SLC25A13: variants seen among roughly 807,000 people sequenced by gnomAD.
SLC25A13 encodes the protein electrogenic aspartate/glutamate antiporter SLC25A13, mitochondrial.
A neutral mutation model predicts 85.5 loss-of-function variants in SLC25A13; 70 were observed. The observed-to-expected ratio is 0.82, with a 90% CI of 0.68 to 1.00. The LOEUF (loss-of-function observed/expected upper bound fraction) is 1.00. Among genes scored for constraint, SLC25A13 ranks in the 50% least tolerant of loss-of-function variants. The probability of loss-of-function intolerance (pLI) is 0.00; values close to 1 mark genes in which losing one functional copy is unlikely to be tolerated. For missense variants in SLC25A13, 765 were observed against 819.8 expected (o/e 0.93, Z 0.82); for synonymous variants, 259 against 288.7 (o/e 0.90, Z 1.04).
At position 96,321,948 on chromosome 7, in the gene SLC25A13, G is replaced by A. The variant is rs771172427; in HGVS notation, c.9C>T (p.Ala3=). 7 of 1,541,502 alleles carry A rather than the reference G, an allele frequency of 4.5e-6. No homozygotes were observed. The highest frequency in any genetic ancestry group is 4.4e-6 in the Non-Finnish European group (5 of 1,146,322). The change falls in exon 1 of 18, where the codon GCC becomes GCT. Residue 3 remains alanine (A), a synonymous_variant. Coordinates refer to ENST00000265631, the MANE Select transcript of SLC25A13 (RefSeq NM_014251.3). ...GCCTCGGGCCCGCGGTTACCTTGGC[G>A]GCCGCCATGATTCGCCCCGGTTGCG... is the stretch of plus-strand genomic sequence containing the variant. MA[A]AKVALTKRAD...
chr7:96,269,234 G>C (rs1347639784), intron 3 of SLC25A13, among the ~76,000 whole-genome samples: 2 of 152,182 alleles, frequency 1.3e-5, no homozygotes, highest in Admixed American at 6.5e-5. Context: ...AACATGGAAG[G>C]CTGACCAATG....
At chr7:96,172,767 AT>A (rs111484924) in intron 11 of SLC25A13, among the ~76,000 whole-genome samples, 163 of 146,946 alleles carry the variant, frequency 1.1e-3, no homozygotes, top group Non-Finnish European at 1.4e-3. Flanking sequence ...GCCAGTTTGT[AT>A]TTTTTTTTTT....
At chr7:96,126,387 T>C (rs1274077957) in intron 15 of SLC25A13, among the ~76,000 whole-genome samples, 3 of 152,220 alleles carry the variant, frequency 2.0e-5, no homozygotes, top group Non-Finnish European at 4.4e-5. Context: ...TTTCTGTCCA[T>C]TCCTTACACT....
At chr7:96,138,628 G>A (rs1792393629) in intron 14 of SLC25A13, among the ~76,000 whole-genome samples, 1 of 151,978 alleles carries the variant, frequency 6.6e-6, no homozygotes, top group Non-Finnish European at 1.5e-5. Flanking sequence ...TTGAACTCCT[G>A]CACTCCCAAA....
chr7:96,291,695 G>C (rs905061700), intron 2 of SLC25A13, among the ~76,000 whole-genome samples: 6 of 151,876 alleles, frequency 4.0e-5, no homozygotes, highest in African/African-American at 9.7e-5. Flanking sequence ...GGATAAATTC[G>C]TCGACACATA....
intron 3 of SLC25A13, among the ~76,000 whole-genome samples, chr7:96,275,296 A>G (rs1426709589): frequency 6.6e-6 from 1 of 152,194 alleles, no homozygotes; most frequent in Non-Finnish European, 1.5e-5. Flanking sequence ...GAGACTGTAA[A>G]CTAGTTCAAC....
At chr7:96,233,729 G>A (rs1348970652) in intron 4 of SLC25A13, among the ~76,000 whole-genome samples, 1 of 152,188 alleles carries the variant, frequency 6.6e-6, no homozygotes, top group East Asian at 1.9e-4. Flanking sequence ...AAGGGGCTAA[G>A]CTTATCTGAT....
At chr7:96,244,947 T>A (rs1034910380) in intron 3 of SLC25A13, among the ~76,000 whole-genome samples, 2 of 151,746 alleles carry the variant, frequency 1.3e-5, no homozygotes, top group Non-Finnish European at 2.9e-5. Flanking sequence ...TGCCTCCATA[T>A]TGGCAAAAGT....
chr7:96,157,052 T>A (rs1466379913), intron 13 of SLC25A13, among the ~76,000 whole-genome samples: 2 of 152,166 alleles, frequency 1.3e-5, no homozygotes, highest in African/African-American at 2.4e-5. Flanking sequence ...CTGTAATTTG[T>A]ATCGGAAGTC....
At chr7:96,171,402 A>G in intron 12 of SLC25A13, 70 bp downstream of exon 12, 1 of 1,413,216 alleles carries the variant, frequency 7.1e-7, no homozygotes, top group Non-Finnish European at 1.0e-6. Flanking sequence ...TGTTTCCTAT[A>G]AGAATACCTG....
chr7:96,226,305 G>C (rs920987216), intron 4 of SLC25A13, among the ~76,000 whole-genome samples: 1 of 152,122 alleles, frequency 6.6e-6, no homozygotes, highest in African/African-American at 2.4e-5. Flanking sequence ...TTCACTCGTA[G>C]TGTCCTCAAG....
At chr7:96,211,207 A>G (rs1795682810) in intron 4 of SLC25A13, among the ~76,000 whole-genome samples, 1 of 152,196 alleles carries the variant, frequency 6.6e-6, no homozygotes, top group Non-Finnish European at 1.5e-5. Context: ...ACTTCTTACT[A>G]GAGCTCACAT....
chr7:96,311,271 C>G (rs1217223228), intron 1 of SLC25A13, among the ~76,000 whole-genome samples: 1 of 152,140 alleles, frequency 6.6e-6, no homozygotes, highest in Admixed American at 6.5e-5. Context: ...CAAGAAACAA[C>G]CAAGAATTAG....
At position 96,234,816 on chromosome 7, in the gene SLC25A13, C is replaced by A; in HGVS notation, c.314G>T (p.Gly105Val). 1.2e-6 allele frequency: 2 copies of A among 1,613,344 alleles called. No individual in the cohort carries two copies. Among genetic ancestry groups the A allele is most frequent in the South Asian group, 2.2e-5 (2 of 91,028 alleles). ...AFQLFDKAGK[G>V]EVTFEDVKQV... ...ATGCTTCTTACCAAAAGTTACTTCT[C>A]CTTTGCCAGCTTTGTCAAACAGCTG... The change falls in exon 4 of 18, where the codon GGA becomes GTA. Residue 105 changes from glycine (G) to valine (V), a missense_variant. Gly to Val is a moderately radical substitution (Grantham distance 109). Transcript: ENST00000265631.
chr7:96,249,652 C>T (rs2116861964), intron 3 of SLC25A13, among the ~76,000 whole-genome samples: 1 of 152,256 alleles, frequency 6.6e-6, no homozygotes, highest in East Asian at 1.9e-4. Context: ...CTAACAATTT[C>T]AAGCTTTTTT....
chr7:96,158,827 T>A (rs558848712), intron 13 of SLC25A13, among the ~76,000 whole-genome samples: 1 of 152,234 alleles, frequency 6.6e-6, no homozygotes, highest in Non-Finnish European at 1.5e-5. Context: ...TGTTTGACAT[T>A]TGAATAAATT....
chr7:96,131,940 A>C, intron 14 of SLC25A13, 59 bp from the exon 15 acceptor site: 1 of 1,610,780 alleles, frequency 6.2e-7, no homozygotes, highest in Non-Finnish European at 8.5e-7. Flanking sequence ...GAGGAGATCA[A>C]GCTTCTCTGG....
intron 8 of SLC25A13, 46 bp from the exon 9 acceptor site, chr7:96,189,424 A>G (rs780156720): frequency 1.9e-6 from 3 of 1,574,962 alleles, no homozygotes; most frequent in South Asian, 2.2e-5. Flanking sequence ...CCAATTTATT[A>G]CAATTTACAT....
chr7:96,146,789 T>C, intron 13 of SLC25A13, 93 bp from the exon 14 acceptor site: 1 of 1,423,952 alleles, frequency 7.0e-7, no homozygotes, highest in Non-Finnish European at 9.9e-7. Context: ...ATAAAAATAT[T>C]CTATCCTCAA....
Sources: allele counts gnomAD v4.1 joint callset (sites outside exome capture counted in the v4.1 genomes callset), GRCh38; gene constraint gnomAD v4.1.1; transcripts MANE v1.5; gene names NCBI Gene and HGNC (gene_info 2026-07-23, HGNC 2026-07-21).